SCN11A: variants seen among roughly 807,000 people sequenced by gnomAD.
SCN11A encodes the protein sodium voltage-gated channel alpha subunit 11.
In SCN11A, 122 loss-of-function variants were observed where a neutral mutation model predicts 162.2. The ratio of observed to expected loss-of-function variants is 0.75; its 90% CI spans 0.65 to 0.87. SCN11A has a LOEUF of 0.87. Among genes scored for constraint, SCN11A ranks in the 40% least tolerant of loss-of-function variants. SCN11A has a pLI of 0.00. For missense variants in SCN11A, 2,015 were observed against 2,181.6 expected (o/e 0.92, Z 1.52); for synonymous variants, 758 against 751.5 (o/e 1.01, Z -0.14).
chr3:38,987,445 A>G (rs1346180521), intron 2 of SCN11A, among the ~76,000 whole-genome samples: 1 of 152,154 alleles, frequency 6.6e-6, no homozygotes, highest in Non-Finnish European at 1.5e-5. Context: ...CCACAGGGAC[A>G]GGGCTGTCTC....
intron 2 of SCN11A, among the ~76,000 whole-genome samples, chr3:38,981,551 G>C (rs2030058097): frequency 6.6e-6 from 1 of 151,742 alleles, no homozygotes; most frequent in Non-Finnish European, 1.5e-5. Context: ...GTGTGTGTGT[G>C]TGTGTGTGTG....
In SCN11A at chr3:38,985,101, T is replaced by A. The variant is rs1458080543; in HGVS notation, c.-279-24678A>T. Among the ~76,000 whole-genome samples, 5 of 148,922 alleles carry A rather than the reference T, an allele frequency of 3.4e-5. 1 individual carries two copies. Among genetic ancestry groups the A allele is most frequent in the African/African-American group, 7.6e-5 (3 of 39,304 alleles). On this transcript the variant is annotated intron_variant, in intron 2 of 29. Coordinates refer to ENST00000302328, the MANE Select transcript of SCN11A (RefSeq NM_001349253.2). The stretch of plus-strand genomic sequence containing the variant: ...CAGAGGATGACATATTCGGATTTTT[T>A]AAAAAAATGTCTTTCTGGCTGGCTG...
intron 1 of SCN11A, among the ~76,000 whole-genome samples, chr3:39,033,026 G>A (rs148774164): frequency 4.2e-4 from 64 of 152,214 alleles, no homozygotes; most frequent in African/African-American, 1.3e-3. Context: ...GGTGGCGGGC[G>A]CCCGTAATCC....
intron 7 of SCN11A, among the ~76,000 whole-genome samples, chr3:38,940,399 C>T (rs2066423298): frequency 1.3e-5 from 2 of 152,104 alleles, no homozygotes; most frequent in African/African-American, 2.4e-5. Flanking sequence ...CATAAAAATT[C>T]TCAAAAGGAA....
In SCN11A at chr3:38,900,002, G is replaced by A. The variant is rs778718659; in HGVS notation, c.1914C>T (p.Arg638=). 1.5e-5 allele frequency: 24 copies of A among 1,614,012 alleles called. No individual in the cohort carries two copies. Among genetic ancestry groups the A allele is most frequent in the South Asian group, 3.3e-5 (3 of 91,084 alleles). ...TGCTGTCAAAAATGTTCCAGCCTCGGCGAAAGTAGTGGTAGGGATCGAGCG... is the reference window on the plus strand; with the variant it reads ...TGCTGTCAAAAATGTTCCAGCCTCGACGAAAGTAGTGGTAGGGATCGAGCG... The part of the protein sequence containing the change: ...IIALDPYHYF[R]RGWNIFDSIV... The change falls in exon 17 of 30, where the codon CGC becomes CGT. Residue 638 remains arginine, a synonymous_variant. Coordinates refer to ENST00000302328, the MANE Select transcript of SCN11A (RefSeq NM_001349253.2).
chr3:39,030,558 G>A (rs1575365899), intron 2 of SCN11A, among the ~76,000 whole-genome samples: 4 of 152,090 alleles, frequency 2.6e-5, no homozygotes, highest in South Asian at 2.1e-4. Context: ...CTGAAGTTAC[G>A]TTTTCTATCA....
At chr3:38,929,503 C>T (rs1365996510) in intron 7 of SCN11A, among the ~76,000 whole-genome samples, 2 of 152,130 alleles carry the variant, frequency 1.3e-5, no homozygotes, top group Non-Finnish European at 2.9e-5. Context: ...ACTGTGAATG[C>T]ACTTAATTCC....
intron 2 of SCN11A, among the ~76,000 whole-genome samples, chr3:38,994,610 G>A (rs375688360): frequency 6.6e-6 from 1 of 152,196 alleles, no homozygotes; most frequent in Non-Finnish European, 1.5e-5. Flanking sequence ...CAAACCTAGT[G>A]AGAGGACATC....
At chr3:38,945,252 C>T (rs1251540111) in intron 7 of SCN11A, among the ~76,000 whole-genome samples, 159 bp downstream of exon 7, 1 of 152,122 alleles carries the variant, frequency 6.6e-6, no homozygotes, top group East Asian at 1.9e-4. Context: ...CTGTTCATTA[C>T]AAATTGTAAA....
chr3:38,932,542 T>C (rs868676396), intron 7 of SCN11A, among the ~76,000 whole-genome samples: 1 of 152,188 alleles, frequency 6.6e-6, no homozygotes, highest in South Asian at 2.1e-4. Context: ...TCCGACGGGC[T>C]TAAAAAATGG....
intron 7 of SCN11A, among the ~76,000 whole-genome samples, chr3:38,933,333 G>A (rs913214257): frequency 2.6e-5 from 4 of 152,164 alleles, no homozygotes; most frequent in Non-Finnish European, 4.4e-5. Flanking sequence ...TCCTCCAAAG[G>A]AACGCAGCTC....
intron 2 of SCN11A, among the ~76,000 whole-genome samples, chr3:38,980,460 T>A (rs2029989247): frequency 6.6e-6 from 1 of 152,210 alleles, no homozygotes. Flanking sequence ...GATTCAGTGA[T>A]GTCGGTCATG....
At chr3:38,849,557 A>C (rs2064740787) in intron 29 of SCN11A, 1 of 152,290 alleles carries the variant, frequency 6.6e-6, no homozygotes, top group South Asian at 2.1e-4. Flanking sequence ...TTCCATTTGG[A>C]AAATCAGTTT....
intron 2 of SCN11A, among the ~76,000 whole-genome samples, chr3:39,031,911 C>T (rs2031769991): frequency 6.6e-6 from 1 of 152,130 alleles, no homozygotes; most frequent in Non-Finnish European, 1.5e-5. Context: ...ACCACATTTG[C>T]ATCCTGCTTT....
In SCN11A at chr3:38,919,953, C is replaced by A. The variant is rs201513140; in HGVS notation, c.941G>T (p.Gly314Val). The A allele has an allele frequency of 1.5e-5, 25 of 1,613,168 alleles. No individual in the cohort carries two copies. The highest frequency in any genetic ancestry group is 2.0e-5 in the Non-Finnish European group (24 of 1,179,430). ...KENSPEFKMC[G>V]IWMGNSACSI... ...CTCTTACCTGTTACCCATCCAGATG[C>A]CACACATTTTGAATTCAGGTGAATT... Residue 314 changes from glycine to valine, a missense_variant, in exon 11 of 30, where the codon GGC becomes GTC. By Grantham distance (109) the Gly-to-Val change is moderately radical. Coordinates refer to ENST00000302328, the MANE Select transcript of SCN11A (RefSeq NM_001349253.2).
chr3:38,862,616 T>C (rs1217000166), intron 28 of SCN11A, among the ~76,000 whole-genome samples: 1 of 152,154 alleles, frequency 6.6e-6, no homozygotes, highest in Non-Finnish European at 1.5e-5. Context: ...TTGGAGACCA[T>C]TATTCTAAGT....
intron 7 of SCN11A, among the ~76,000 whole-genome samples, chr3:38,942,828 G>T (rs1180003570): frequency 6.6e-6 from 1 of 152,066 alleles, no homozygotes; most frequent in Admixed American, 6.5e-5. Flanking sequence ...CAAATTGAAT[G>T]AAAAAATTAA....
At chr3:38,890,471 AC>A (rs2065481290) in intron 19 of SCN11A, among the ~76,000 whole-genome samples, 1 of 152,244 alleles carries the variant, frequency 6.6e-6, no homozygotes, top group Admixed American at 6.5e-5. Context: ...AAGGCAAGAA[AC>A]TAAAACATAG....
chr3:39,013,004 C>A (rs2031188905), intron 2 of SCN11A, among the ~76,000 whole-genome samples: 1 of 152,004 alleles, frequency 6.6e-6, no homozygotes. Flanking sequence ...CTGAGGATGG[C>A]TAAAAATGTA....
Sources: allele counts gnomAD v4.1 joint callset (sites outside exome capture counted in the v4.1 genomes callset), GRCh38; gene constraint gnomAD v4.1.1; transcripts MANE v1.5; gene names NCBI Gene and HGNC (gene_info 2026-07-23, HGNC 2026-07-21).